The following PAK5 variants were observed in gnomAD, a reference collection of about 807,000 sequenced individuals.
The protein encoded by PAK5 is serine/threonine-protein kinase PAK 5.
In PAK5, 16 loss-of-function variants were observed where a neutral mutation model predicts 65.9. The observed-to-expected ratio is 0.24, with a 90% CI of 0.16 to 0.37. The LOEUF (loss-of-function observed/expected upper bound fraction) is 0.37, where lower values mean the gene tolerates loss of function less well. PAK5 is among the 10% of genes least tolerant of loss of function. The pLI is 1.00. For missense variants in PAK5, 785 were observed against 903.9 expected, an observed-to-expected ratio of 0.87 and a Z score of 1.69; for synonymous variants, 371 against 354.9, an observed-to-expected ratio of 1.05 and a Z score of -0.51.
intron 2 of PAK5, among the ~76,000 whole-genome samples, chr20:9,660,359 G>A (rs2047328116): frequency 8.3e-6 from 1 of 119,908 alleles, no homozygotes; most frequent in African/African-American, 2.7e-5. Context: ...TCTTCCCTTA[G>A]GGCTCTCTCC....
intron 2 of PAK5, among the ~76,000 whole-genome samples, chr20:9,657,248 T>C (rs1489210059): frequency 1.3e-5 from 2 of 152,344 alleles, no homozygotes; most frequent in East Asian, 3.9e-4. Context: ...ATAGATTATA[T>C]GACCATCTGG....
At chr20:9,559,470 T>C (rs2045560487) in intron 6 of PAK5, among the ~76,000 whole-genome samples, 1 of 152,044 alleles carries the variant, frequency 6.6e-6, no homozygotes, top group Non-Finnish European at 1.5e-5. Flanking sequence ...GGTATAAAGT[T>C]GATGAGTATG....
At chr20:9,573,670 C>T (rs76112724) in intron 4 of PAK5, among the ~76,000 whole-genome samples, 1 of 152,128 alleles carries the variant, frequency 6.6e-6, no homozygotes, top group Non-Finnish European at 1.5e-5. Flanking sequence ...AAGGAAAAAA[C>T]AGTACTGCAG....
intron 3 of PAK5, among the ~76,000 whole-genome samples, chr20:9,585,652 T>C (rs2046056367): frequency 6.6e-6 from 1 of 152,244 alleles, no homozygotes; most frequent in African/African-American, 2.4e-5. Flanking sequence ...CCTGTTCTCT[T>C]ATTTGTAATA....
intron 2 of PAK5, among the ~76,000 whole-genome samples, chr20:9,681,440 A>G (rs185825048): frequency 3.9e-5 from 6 of 152,182 alleles, no homozygotes; most frequent in Non-Finnish European, 8.8e-5. Flanking sequence ...GTTTCCCCCA[A>G]CTTGTCCTAT....
chr20:9,596,611 G>C (rs921424514), intron 3 of PAK5, among the ~76,000 whole-genome samples: 1 of 144,988 alleles, frequency 6.9e-6, no homozygotes, highest in African/African-American at 2.6e-5. Context: ...ACTCCAGCCT[G>C]GGCGACAGAG....
At chr20:9,545,382 G>T (rs530506982) in intron 7 of PAK5, among the ~76,000 whole-genome samples, 39 of 152,282 alleles carry the variant, frequency 2.6e-4, no homozygotes, top group African/African-American at 8.7e-4. Flanking sequence ...GACCTGGTCT[G>T]AACTTCAAAC....
chr20:9,586,676 T>G (rs939165471), intron 3 of PAK5, among the ~76,000 whole-genome samples: 1 of 152,130 alleles, frequency 6.6e-6, no homozygotes, highest in Admixed American at 6.5e-5. Flanking sequence ...TCATAGGGAT[T>G]TTTTGTCTCC....
intron 1 of PAK5, among the ~76,000 whole-genome samples, chr20:9,797,980 A>G (rs1258609070): frequency 2.0e-5 from 3 of 152,262 alleles, no homozygotes; most frequent in African/African-American, 7.2e-5. Context: ...CCCAACCTGT[A>G]GAGACCATTT....
intron 1 of PAK5, among the ~76,000 whole-genome samples, chr20:9,723,795 C>T (rs1026602271): frequency 1.3e-5 from 2 of 151,970 alleles, no homozygotes; most frequent in East Asian, 1.9e-4. Context: ...CCAAATCACC[C>T]GAGCTATCTA....
chr20:9,793,347 T>C (rs2049070308), intron 1 of PAK5, among the ~76,000 whole-genome samples: 1 of 152,140 alleles, frequency 6.6e-6, no homozygotes, highest in Non-Finnish European at 1.5e-5. Context: ...TATCAATGTA[T>C]GCTGTTACAA....
chr20:9,624,956 T>G (rs115820255), intron 3 of PAK5, among the ~76,000 whole-genome samples: 208 of 152,340 alleles, frequency 1.4e-3, no homozygotes, highest in African/African-American at 4.9e-3. Flanking sequence ...TCACATTGGT[T>G]TGTGGGCAAC....
At chr20:9,617,866 T>C (rs1054375223) in intron 3 of PAK5, among the ~76,000 whole-genome samples, 2 of 152,054 alleles carry the variant, frequency 1.3e-5, no homozygotes, top group African/African-American at 4.8e-5. Context: ...GAATCCCAAT[T>C]CTTATCTGAA....
intron 1 of PAK5, among the ~76,000 whole-genome samples, chr20:9,761,886 G>T (rs182348892): frequency 1.3e-5 from 2 of 152,068 alleles, no homozygotes; most frequent in East Asian, 3.9e-4. Flanking sequence ...AAATTGTTGA[G>T]AATTCTTCTT....
At chr20:9,830,368 G>A (rs946366672) in intron 1 of PAK5, among the ~76,000 whole-genome samples, 1 of 152,186 alleles carries the variant, frequency 6.6e-6, no homozygotes, top group Non-Finnish European at 1.5e-5. Context: ...TATTTATCAT[G>A]AGAACTGCAG....
chr20:9,774,726 G>A (rs1015351550), intron 1 of PAK5, among the ~76,000 whole-genome samples: 2 of 152,042 alleles, frequency 1.3e-5, no homozygotes, highest in Non-Finnish European at 2.9e-5. Flanking sequence ...GGCAGATCAC[G>A]AGGTCAGGAG....
At chr20:9,730,016 AGAGAGAGAGAGAGAG>A (rs2048319156) in intron 1 of PAK5, among the ~76,000 whole-genome samples, 1 of 72,636 alleles carries the variant, frequency 1.4e-5, no homozygotes, top group Admixed American at 1.4e-4. Context: ...AAAAAAAAAG[AGAGAGAGAGAGAGAG>A]AATTGTCTCG....
intron 2 of PAK5, among the ~76,000 whole-genome samples, chr20:9,677,085 GTGTT>G (rs1254355980): frequency 5.8e-5 from 5 of 85,836 alleles, no homozygotes; most frequent in East Asian, 5.3e-4. Context: ...GTGTGTGTGT[GTGTT>G]TGTTGTTATA....
chr20:9,735,739 C>G (rs919638695), intron 1 of PAK5, among the ~76,000 whole-genome samples: 2 of 151,882 alleles, frequency 1.3e-5, no homozygotes, highest in African/African-American at 4.8e-5. Context: ...ATATCCACCA[C>G]TGGCCAGGCG....
Sources: allele counts gnomAD v4.1 joint callset (sites outside exome capture counted in the v4.1 genomes callset), GRCh38; gene constraint gnomAD v4.1.1; transcripts MANE v1.5; gene names NCBI Gene and HGNC (gene_info 2026-07-23, HGNC 2026-07-21).